TACR1: variants seen among roughly 807,000 people sequenced by gnomAD.
TACR1 encodes the protein substance-P receptor.
Under a neutral mutation model 35.8 loss-of-function variants are expected in TACR1, and 25 were observed. That is an observed-to-expected ratio of 0.70 (90% CI 0.51 to 0.98). The LOEUF is 0.98. Among genes scored for constraint, TACR1 ranks in the 50% least tolerant of loss-of-function variants. TACR1 has a pLI of 0.00. For missense variants in TACR1, 478 were observed against 522.9 expected (o/e 0.91, Z 0.84); for synonymous variants, 195 against 206.7 (o/e 0.94, Z 0.48).
intron 1 of TACR1, among the ~76,000 whole-genome samples, chr2:75,125,577 T>G (rs992041228): frequency 7.2e-5 from 11 of 152,192 alleles, no homozygotes; most frequent in Admixed American, 1.3e-4. Flanking sequence ...AAATACTCAT[T>G]GAAAGTTTGG....
At chr2:75,120,452 C>T (rs1261947406) in intron 2 of TACR1, 122 bp downstream of exon 2, 16 of 894,128 alleles carry the variant, frequency 1.8e-5, no homozygotes, top group Non-Finnish European at 2.7e-5. Context: ...GTGAGAAATG[C>T]TTGCAGATAC....
At chr2:75,066,114 T>C (rs1217664932) in intron 2 of TACR1, among the ~76,000 whole-genome samples, 1 of 152,260 alleles carries the variant, frequency 6.6e-6, no homozygotes. Flanking sequence ...GCTTAGAAGA[T>C]GTAGAAATTT....
chr2:75,101,177 A>T (rs922562629), intron 2 of TACR1, among the ~76,000 whole-genome samples: 2 of 152,192 alleles, frequency 1.3e-5, no homozygotes, highest in Non-Finnish European at 2.9e-5. Flanking sequence ...ATAAGAATAT[A>T]ATAGAAATAG....
chr2:75,161,994 A>C (rs1046360402), intron 1 of TACR1, among the ~76,000 whole-genome samples: 1 of 150,872 alleles, frequency 6.6e-6, no homozygotes, highest in Non-Finnish European at 1.5e-5. Flanking sequence ...TGAATTTGTC[A>C]AAATTGAAGG....
At chr2:75,096,328 G>A (rs1162720413) in intron 2 of TACR1, among the ~76,000 whole-genome samples, 1 of 152,214 alleles carries the variant, frequency 6.6e-6, no homozygotes, top group African/African-American at 2.4e-5. Flanking sequence ...GCCAGTCCCA[G>A]TGGAGGCTCC....
intron 1 of TACR1, among the ~76,000 whole-genome samples, chr2:75,127,352 C>A (rs1000697203): frequency 2.0e-5 from 3 of 152,100 alleles, no homozygotes; most frequent in African/African-American, 4.8e-5. Context: ...GTTCACACAC[C>A]ACTAAATCAT....
intron 1 of TACR1, among the ~76,000 whole-genome samples, chr2:75,190,478 C>T (rs1675817915): frequency 6.6e-6 from 1 of 152,158 alleles, no homozygotes; most frequent in Non-Finnish European, 1.5e-5. Flanking sequence ...ATGTTTTACC[C>T]TGTAGCTATT....
chr2:75,185,980 T>C (rs946655145), intron 1 of TACR1, among the ~76,000 whole-genome samples: 11 of 152,184 alleles, frequency 7.2e-5, no homozygotes, highest in Non-Finnish European at 1.5e-4. Flanking sequence ...CATGATCTTA[T>C]AGAATAAAGT....
rs1474401939 is a variant in TACR1, at chr2:75,198,878, G to A, written c.57C>T (p.Thr19=). 16 of 1,613,936 alleles carry A rather than the reference G, an allele frequency of 9.9e-6. No homozygotes were observed. The African/African-American group carries it at 2.0e-4, about 20-fold the overall frequency. The change falls in exon 1 of 5, where the codon ACC becomes ACT. Residue 19 remains threonine (T), a synonymous_variant. Coordinates refer to ENST00000305249, the MANE Select transcript of TACR1 (RefSeq NM_001058.4). ...GTTGCACGAACTGATTGGGTTCCGA[G>A]GTGTTAGTGGAGATGTTTGGGGAGA... ...SDLSPNISTN[T]SEPNQFVQPA... is the part of the protein sequence containing the mutation.
intron 1 of TACR1, among the ~76,000 whole-genome samples, chr2:75,120,969 G>A (rs1254723870): frequency 6.6e-6 from 1 of 152,136 alleles, no homozygotes; most frequent in African/African-American, 2.4e-5. Context: ...CGTAAGAAAA[G>A]CCAGCTAGAT....
At position 75,196,689 on chromosome 2, in the gene TACR1, G is replaced by A. The variant is rs1676002950; in HGVS notation, c.389+1857C>T. Among the ~76,000 whole-genome samples, 4 of 152,192 alleles carry A rather than the reference G, an allele frequency of 2.6e-5. No individual in the cohort carries two copies. In the South Asian group the frequency reaches 8.3e-4, roughly 32 times the overall value. ...CTAACCTTCTAAGTTCCAGAGGAAA[G>A]ATCAGGGCTGCAGAACATGTTTCTG... On this transcript the variant is annotated intron_variant, in intron 1 of 4. Coordinates refer to ENST00000305249, the MANE Select transcript of TACR1 (RefSeq NM_001058.4).
At chr2:75,110,676 T>C (rs995294527) in intron 2 of TACR1, among the ~76,000 whole-genome samples, 18 of 152,026 alleles carry the variant, frequency 1.2e-4, no homozygotes, top group Non-Finnish European at 1.0e-4. Context: ...TTCACATTAA[T>C]GTGCTTGTAT....
At chr2:75,196,551 T>C (rs1675979793) in intron 1 of TACR1, among the ~76,000 whole-genome samples, 1 of 152,106 alleles carries the variant, frequency 6.6e-6, no homozygotes, top group Non-Finnish European at 1.5e-5. Context: ...ACTGAGCAGG[T>C]ATCACAGAGG....
intron 1 of TACR1, among the ~76,000 whole-genome samples, chr2:75,155,512 G>T (rs1052257340): frequency 7.9e-5 from 12 of 152,006 alleles, no homozygotes; most frequent in African/African-American, 2.7e-4. Flanking sequence ...AGTATCACCA[G>T]CTCTTCTGGT....
chr2:75,073,144 A>G (rs1672915059), intron 2 of TACR1, among the ~76,000 whole-genome samples: 1 of 152,242 alleles, frequency 6.6e-6, no homozygotes, highest in African/African-American at 2.4e-5. Context: ...ACCCCTGAGA[A>G]TCTATAGTCA....
chr2:75,195,176 T>G (rs1160946177), intron 1 of TACR1, among the ~76,000 whole-genome samples: 5 of 152,156 alleles, frequency 3.3e-5, no homozygotes, highest in Admixed American at 2.0e-4. Flanking sequence ...ATTATAGAGT[T>G]TCAATAGCTA....
intron 2 of TACR1, among the ~76,000 whole-genome samples, chr2:75,057,320 A>G (rs1672588476): frequency 6.6e-6 from 1 of 151,802 alleles, no homozygotes; most frequent in Non-Finnish European, 1.5e-5. Context: ...ACCCCCTTTG[A>G]CTGTAATTTT....
chr2:75,113,852 G>T (rs1165455344), intron 2 of TACR1, among the ~76,000 whole-genome samples: 2 of 151,716 alleles, frequency 1.3e-5, no homozygotes, highest in Non-Finnish European at 1.5e-5. Flanking sequence ...TTTTAAATTT[G>T]TAAAATAATC....
At chr2:75,196,561 G>A (rs1675980201) in intron 1 of TACR1, among the ~76,000 whole-genome samples, 3 of 152,244 alleles carry the variant, frequency 2.0e-5, no homozygotes, top group South Asian at 4.2e-4. Context: ...TATCACAGAG[G>A]GTCGGGGCTC....
Sources: allele counts gnomAD v4.1 joint callset (sites outside exome capture counted in the v4.1 genomes callset), GRCh38; gene constraint gnomAD v4.1.1; transcripts MANE v1.5; gene names NCBI Gene and HGNC (gene_info 2026-07-23, HGNC 2026-07-21).